Variants in EOLA1 observed in about 807,000 individuals in gnomAD.
EOLA1 encodes the protein endothelium and lymphocyte associated ASCH domain 1.
In EOLA1, 1 loss-of-function variant was observed where a neutral mutation model predicts 4.5. That is an observed-to-expected ratio of 0.22 (90% CI 0.08 to 1.05). EOLA1 has a LOEUF of 1.05. Among genes scored for constraint, EOLA1 ranks in the 50% least tolerant of loss-of-function variants. The pLI is 0.57. For synonymous variants in EOLA1, 37 were observed against 52.3 expected (o/e 0.71, Z 1.26); for missense variants, 69 against 127.2 (o/e 0.54, Z 2.20).
chrX:149,545,495 A>T lies in EOLA1; in HGVS notation c.-35A>T. 8.9e-7 allele frequency: 1 copy of T among 1,126,078 alleles called. No individual in the cohort carries two copies. The highest frequency in any genetic ancestry group is 2.2e-5 in the South Asian group (1 of 45,405). 92.8% of individuals were successfully genotyped at this position (1,126,078 alleles called of 1,213,427 possible). A position where few individuals can be genotyped will look rare whatever the true frequency, so the allele number is the denominator to read the frequency against. On this transcript the variant is annotated 5_prime_UTR_variant, in exon 3 of 5. Transcript: ENST00000393985. ...CAGTGACAGACGGAAGCAGGAGACCATCAAGGTCAGTGCGATTTAGGCCAC... is the reference window on the plus strand; with the variant it reads ...CAGTGACAGACGGAAGCAGGAGACCTTCAAGGTCAGTGCGATTTAGGCCAC...
In EOLA1 at chrX:149,545,276, A is replaced by C. The variant is rs11795858; in HGVS notation, c.-162-92A>C. On this transcript the variant is annotated intron_variant, in intron 2 of 4. Coordinates refer to ENST00000393985, the MANE Select transcript of EOLA1 (RefSeq NM_001171907.3). ...CCGGACTCTCCACTCTGGCTAGGCC[A>C]AGGGGGCCCTCTGTCCTCTGTGTTG... 34 of 831,827 alleles carry C rather than the reference A, an allele frequency of 4.1e-5. No individual in the cohort carries two copies. In the African/African-American group the frequency reaches 7.5e-4, roughly 18 times the overall value. 68.6% of individuals were successfully genotyped at this position (831,827 alleles called of 1,213,427 possible).
downstream of EOLA1, chrX:149,549,287 C>A: frequency 9.1e-7 from 1 of 1,103,316 alleles, no homozygotes. Context: ...TAAGCTCTTA[C>A]AGTATATTAT....
chrX:149,545,403 C>G lies in EOLA1; in HGVS notation c.-127C>G, dbSNP rs1463666004. On this transcript the variant is annotated 5_prime_UTR_variant, in exon 3 of 5. Coordinates refer to ENST00000393985, the MANE Select transcript of EOLA1 (RefSeq NM_001171907.3). ...CCTACTCCGGACCGCCCCAAAGACT[C>G]CATGGGATGGACCTGAGTCAGCCGA... 9.3e-6 allele frequency: 10 copies of G among 1,078,744 alleles called. No homozygotes were observed. The highest frequency in any genetic ancestry group is 5.1e-4 in the Middle Eastern group (2 of 3,925). The allele number at this position is 1,078,744 out of a possible 1,213,427, so 88.9% of individuals were successfully genotyped here.
Position 149,548,277 on chromosome X carries a change from T to C in EOLA1, c.*1315T>C. On this transcript the variant is annotated 3_prime_UTR_variant, in exon 5 of 5. Transcript: ENST00000393985. Reference sequence around the variant, plus strand: ...TTTTTCTTTATTAAGACCAAAAATGTGTTTCTCATTAAAAAATGGCAACTT... The same window carrying C: ...TTTTTCTTTATTAAGACCAAAAATGCGTTTCTCATTAAAAAATGGCAACTT... 1 of 797,800 alleles carries C rather than the reference T, an allele frequency of 1.3e-6. No homozygotes were observed. The highest frequency in any genetic ancestry group is 1.6e-6 in the Non-Finnish European group (1 of 628,979). 65.7% of individuals were successfully genotyped at this position (797,800 alleles called of 1,213,427 possible).
chrX:149,548,437 G>C, downstream of EOLA1: 2 of 933,772 alleles, frequency 2.1e-6, no homozygotes, highest in Non-Finnish European at 2.7e-6. Context: ...ACATGACTGA[G>C]AGGGAGGCCA....
chrX:149,542,131 T>C, intron 2 of EOLA1, 46 bp downstream of exon 2: 2 of 500,288 alleles, frequency 4.0e-6, no homozygotes, highest in Non-Finnish European at 4.9e-6. Flanking sequence ...GTTACATCAG[T>C]TCCTACTAGG....
intron 2 of EOLA1, 103 bp from the exon 3 acceptor site, chrX:149,545,265 C>G: frequency 1.2e-6 from 1 of 804,506 alleles, no homozygotes; most frequent in Non-Finnish European, 1.5e-6. Context: ...ACTCTCCACT[C>G]TGGCTAGGCC....
rs1349040592 is a variant in EOLA1, at chrX:149,547,509, C to T, written c.*547C>T. The T allele has an allele frequency of 2.7e-6, 1 of 371,599 alleles. No individual in the cohort carries two copies. Among genetic ancestry groups the T allele is most frequent in the Admixed American group, 1.1e-4 (1 of 8,793 alleles). The allele number at this position is 371,599 out of a possible 1,213,427, so 30.6% of individuals were successfully genotyped here. A position where few individuals can be genotyped will look rare whatever the true frequency, so the allele number is the denominator to read the frequency against. On this transcript the variant is annotated 3_prime_UTR_variant, in exon 5 of 5. Transcript: ENST00000393985. The stretch of plus-strand genomic sequence containing the variant: ...CGTCAGACTTAGAGCAGCTGTCTGT[C>T]CTTTCAGGTTACTCTCACTCTTCTG...
chrX:149,547,066 A>G lies in EOLA1; in HGVS notation c.*104A>G. 3.4e-6 allele frequency: 4 copies of G among 1,160,749 alleles called. No individual in the cohort carries two copies. Among genetic ancestry groups the G allele is most frequent in the Non-Finnish European group, 4.6e-6 (4 of 868,562 alleles). ...ACCTGTATACATTAGGTTAAATCTG[A>G]ATTTCCACTGCTTTGGAGAGTCCCA... On this transcript the variant is annotated 3_prime_UTR_variant, in exon 5 of 5. Transcript: ENST00000393985.
Position 149,548,304 on chromosome X carries a change from T to A in EOLA1, c.*1342T>A. 1.1e-6 allele frequency: 1 copy of A among 917,382 alleles called. No homozygotes were observed. The highest frequency in any genetic ancestry group is 1.4e-6 in the Non-Finnish European group (1 of 737,910). 75.6% of individuals were successfully genotyped at this position (917,382 alleles called of 1,213,427 possible). ...TTTCTCATTAAAAAATGGCAACTTTTATGGGCCATTAGTGGCCTGTGACTT... is the reference window on the plus strand; with the variant it reads ...TTTCTCATTAAAAAATGGCAACTTTAATGGGCCATTAGTGGCCTGTGACTT... On this transcript the variant is annotated 3_prime_UTR_variant, in exon 5 of 5. Coordinates refer to ENST00000393985, the MANE Select transcript of EOLA1 (RefSeq NM_001171907.3).
chrX:149,545,486 C>T lies in EOLA1; in HGVS notation c.-44C>T. On this transcript the variant is annotated 5_prime_UTR_variant, in exon 3 of 5. Coordinates refer to ENST00000393985, the MANE Select transcript of EOLA1 (RefSeq NM_001171907.3). ...GCTGGACATCAGTGACAGACGGAAG[C>T]AGGAGACCATCAAGGTCAGTGCGAT... 1.8e-6 allele frequency: 2 copies of T among 1,117,649 alleles called. No individual in the cohort carries two copies. Among genetic ancestry groups the T allele is most frequent in the South Asian group, 2.2e-5 (1 of 44,493 alleles). 92.1% of individuals were successfully genotyped at this position (1,117,649 alleles called of 1,213,427 possible). A position where few individuals can be genotyped will look rare whatever the true frequency, so the allele number is the denominator to read the frequency against.
chrX:149,546,027 C>A, intron 4 of EOLA1, 144 bp downstream of exon 4: 1 of 767,488 alleles, frequency 1.3e-6, no homozygotes, highest in Middle Eastern at 4.0e-4. Flanking sequence ...TTCAAAGGGG[C>A]GGCAAGGACC....
intron 1 of EOLA1, chrX:149,541,645 G>A (rs2089731247): frequency 2.7e-6 from 1 of 365,375 alleles, no homozygotes; most frequent in Non-Finnish European, 3.5e-6. Flanking sequence ...GACCTACCCA[G>A]AATTAAGCTG....
At chrX:149,541,698 A>G in intron 1 of EOLA1, 2 of 624,969 alleles carry the variant, frequency 3.2e-6, no homozygotes, top group Non-Finnish European at 3.8e-6. Context: ...CCCCGTGACA[A>G]TGGGAGGGGA....
In EOLA1 at chrX:149,548,040, C is replaced by G. The variant is rs2089881397; in HGVS notation, c.*1078C>G. 9.7e-6 allele frequency among the ~76,000 whole-genome samples: 1 copy of G among 102,902 alleles called. No individual in the cohort carries two copies. The highest frequency in any genetic ancestry group is 2.0e-5 in the Non-Finnish European group (1 of 50,846). The allele number at this position is 102,902 out of a possible 115,157, so 89.4% of individuals were successfully genotyped here. On this transcript the variant is annotated 3_prime_UTR_variant, in exon 5 of 5. Transcript: ENST00000393985. ...GGGACCAGGTCTTCCTGGGCTTGGC[C>G]TCGACACTTCCTAGCAACATCCTTT...
downstream of EOLA1, chrX:149,549,342 G>A: frequency 2.6e-6 from 3 of 1,143,063 alleles, no homozygotes; most frequent in East Asian, 9.9e-5. Context: ...AGAGAGAAAA[G>A]GGATTACAGA....
Position 149,548,307 on chromosome X carries a change from G to A in EOLA1, c.*1345G>A. On this transcript the variant is annotated 3_prime_UTR_variant, in exon 5 of 5. Transcript: ENST00000393985. ...CTCATTAAAAAATGGCAACTTTTAT[G>A]GGCCATTAGTGGCCTGTGACTTCAC... 1 of 915,368 alleles carries A rather than the reference G, an allele frequency of 1.1e-6. No individual in the cohort carries two copies. Among genetic ancestry groups the A allele is most frequent in the Non-Finnish European group, 1.4e-6 (1 of 736,303 alleles). 75.4% of individuals were successfully genotyped at this position (915,368 alleles called of 1,213,427 possible).
chrX:149,545,444 C>T lies in EOLA1; in HGVS notation c.-86C>T. 1 of 1,090,816 alleles carries T rather than the reference C, an allele frequency of 9.2e-7. No homozygotes were observed. Among genetic ancestry groups the T allele is most frequent in the East Asian group, 3.3e-5 (1 of 30,102 alleles). 89.9% of individuals were successfully genotyped at this position (1,090,816 alleles called of 1,213,427 possible). On this transcript the variant is annotated 5_prime_UTR_variant, in exon 3 of 5. Transcript: ENST00000393985. The stretch of plus-strand genomic sequence containing the variant: ...AGTCAGCCGAATCCCAGCCCCTTCC[C>T]TTGGGCCTGCTGTGGTGCTGGACAT...
chrX:149,549,471 TC>T (rs2089897219), downstream of EOLA1: 4 of 1,164,253 alleles, frequency 3.4e-6, no homozygotes, highest in Non-Finnish European at 2.3e-6. Context: ...GTTTTGAAGA[TC>T]CTCTCTGCAC....
Sources: allele counts gnomAD v4.1 joint callset (sites outside exome capture counted in the v4.1 genomes callset), GRCh38; gene constraint gnomAD v4.1.1; transcripts MANE v1.5; gene names NCBI Gene and HGNC (gene_info 2026-07-23, HGNC 2026-07-21).